MRPS6: variants seen among roughly 807,000 people sequenced by gnomAD.
MRPS6 encodes the protein small ribosomal subunit protein bS6m.
Under a neutral mutation model 13.1 loss-of-function variants are expected in MRPS6, and 6 were observed. The observed-to-expected ratio is 0.46, with a 90% CI of 0.25 to 0.91. The LOEUF (loss-of-function observed/expected upper bound fraction) is 0.91. MRPS6 is among the 40% of genes least tolerant of loss of function. The pLI is 0.18. For missense variants in MRPS6, 164 were observed against 155.6 expected (o/e 1.05, Z -0.29); for synonymous variants, 61 against 56.5 (o/e 1.08, Z -0.36).
At chr21:34,117,880 G>A (rs926059293) in intron 1 of MRPS6, among the ~76,000 whole-genome samples, 3 of 151,882 alleles carry the variant, frequency 2.0e-5, no homozygotes, top group African/African-American at 4.8e-5. Context: ...ATGTTTTCCC[G>A]CATGTAACTG....
At chr21:34,075,817 A>G (rs1258929244) in intron 1 of MRPS6, among the ~76,000 whole-genome samples, 1 of 152,228 alleles carries the variant, frequency 6.6e-6, no homozygotes, top group Non-Finnish European at 1.5e-5. Context: ...GTTTAGGAAA[A>G]TAGGATTCTA....
At chr21:34,132,418 G>A (rs141737929) in intron 2 of MRPS6, among the ~76,000 whole-genome samples, 47 of 152,226 alleles carry the variant, frequency 3.1e-4, no homozygotes, top group Non-Finnish European at 4.6e-4. Context: ...TGTGCATGCC[G>A]GCTTGTGCTC....
At chr21:34,104,275 T>G in intron 1 of MRPS6, 1 of 1,000,202 alleles carries the variant, frequency 1.0e-6, no homozygotes, top group Non-Finnish European at 1.2e-6. Context: ...ACTTGTCCCA[T>G]TAACCCTCTT....
At chr21:34,117,676 G>C (rs923798872) in intron 1 of MRPS6, among the ~76,000 whole-genome samples, 7 of 152,104 alleles carry the variant, frequency 4.6e-5, no homozygotes, top group African/African-American at 1.7e-4. Flanking sequence ...GAACCAAAAT[G>C]GCAATTTCCT....
At chr21:34,095,838 A>G in intron 1 of MRPS6, 1 of 1,614,056 alleles carries the variant, frequency 6.2e-7, no homozygotes, top group Non-Finnish European at 8.5e-7. Context: ...TGAGGAAGTT[A>G]AGAGAAGGTA....
intron 1 of MRPS6, chr21:34,102,396 A>G: frequency 2.0e-6 from 2 of 1,000,036 alleles, no homozygotes; most frequent in Non-Finnish European, 2.4e-6. Context: ...TTCCATCTAA[A>G]CTTCTTTATA....
Position 34,142,703 on chromosome 21 carries a change from T to G in MRPS6, c.*103T>G. 1 of 1,310,850 alleles carries G rather than the reference T, an allele frequency of 7.6e-7. No homozygotes were observed. Among genetic ancestry groups the G allele is most frequent in the Non-Finnish European group, 1.0e-6 (1 of 1,004,226 alleles). The allele number at this position is 1,310,850 out of a possible 1,614,324, so 81.2% of individuals were successfully genotyped here. A position where few individuals can be genotyped will look rare whatever the true frequency, so the allele number is the denominator to read the frequency against. ...GTTTGGCCTTTATATAAGCATGTGTTGCAGGTGCTGTTTGATTTTTCTAAG... is the reference window on the plus strand; with the variant it reads ...GTTTGGCCTTTATATAAGCATGTGTGGCAGGTGCTGTTTGATTTTTCTAAG... On this transcript the variant is annotated 3_prime_UTR_variant, in exon 3 of 3. Coordinates refer to ENST00000399312, the MANE Select transcript of MRPS6 (RefSeq NM_032476.4).
In MRPS6 at chr21:34,122,023, A is replaced by C. The variant is rs151223167; in HGVS notation, c.46-3318A>C. Among the ~76,000 whole-genome samples, 3 of 152,318 alleles carry C rather than the reference A, an allele frequency of 2.0e-5. No individual in the cohort carries two copies. In the South Asian group the frequency reaches 6.2e-4, roughly 32 times the overall value. On this transcript the variant is annotated intron_variant, in intron 1 of 2. Transcript: ENST00000399312. ...GTGAGGAATACACCCTCTATACGTC[A>C]GTCAGTGGCCCAGGCTCATGGTTTT...
chr21:34,138,881 T>C (rs538185775), intron 2 of MRPS6, among the ~76,000 whole-genome samples: 1 of 152,162 alleles, frequency 6.6e-6, no homozygotes, highest in Admixed American at 6.5e-5. Context: ...TAAAGACACA[T>C]GCATACATAT....
At chr21:34,139,957 T>C (rs981228512) in intron 2 of MRPS6, among the ~76,000 whole-genome samples, 1 of 152,184 alleles carries the variant, frequency 6.6e-6, no homozygotes, top group Admixed American at 6.5e-5. Flanking sequence ...TCATTCCCAG[T>C]GCCTTTAATT....
intron 2 of MRPS6, among the ~76,000 whole-genome samples, chr21:34,130,293 A>G (rs950097144): frequency 3.3e-5 from 5 of 152,156 alleles, no homozygotes; most frequent in Non-Finnish European, 1.5e-5. Flanking sequence ...AGAAAATACA[A>G]CCTTTACATT....
At position 34,073,630 on chromosome 21, in the gene MRPS6, C is replaced by T. The variant is rs945274632; in HGVS notation, c.-71C>T. ...GCAGCAGTTTCTAGGTCCCCACTGT[C>T]CCCGCCGTCCCGCCCCTTCGCGTCC... On this transcript the variant is annotated 5_prime_UTR_variant, in exon 1 of 3. Transcript: ENST00000399312. 3.6e-6 allele frequency: 5 copies of T among 1,372,348 alleles called. No homozygotes were observed. The African/African-American group carries it at 4.5e-5, about 12-fold the overall frequency. 85.0% of individuals were successfully genotyped at this position (1,372,348 alleles called of 1,614,324 possible).
At chr21:34,075,687 C>T (rs1989313064) in intron 1 of MRPS6, among the ~76,000 whole-genome samples, 1 of 152,124 alleles carries the variant, frequency 6.6e-6, no homozygotes, top group Non-Finnish European at 1.5e-5. Flanking sequence ...GATCCTTGAC[C>T]TAAATAAAGT....
At chr21:34,106,933 T>G (rs1979503679) in intron 1 of MRPS6, among the ~76,000 whole-genome samples, 1 of 152,206 alleles carries the variant, frequency 6.6e-6, no homozygotes, top group Non-Finnish European at 1.5e-5. Flanking sequence ...TTGACTTTTT[T>G]TTTTTGGCGG....
At position 34,142,437 on chromosome 21, in the gene MRPS6, C is replaced by T. The variant is rs61910677; in HGVS notation, c.215C>T (p.Thr72Ile). The T allele has an allele frequency of 6.3e-7, 1 of 1,591,588 alleles. No homozygotes were observed. The highest frequency in any genetic ancestry group is 8.5e-7 in the Non-Finnish European group (1 of 1,171,060). Residue 72 changes from threonine to isoleucine, a missense_variant, in exon 3 of 3, where the codon ACC (threonine) becomes ATC (isoleucine). Transcript: ENST00000399312. ...TTCTTGGTGGATTTTTATGCACCCA[C>T]CGCAGCTGTTGAAAGCATGGTGGAG... The part of the protein sequence containing the change: ...GYFLVDFYAP[T>I]AAVESMVEHL...
At chr21:34,077,310 A>T (rs115295321) in intron 1 of MRPS6, among the ~76,000 whole-genome samples, 3 of 152,228 alleles carry the variant, frequency 2.0e-5, no homozygotes, top group Non-Finnish European at 4.4e-5. Context: ...CCTTGGGTAT[A>T]CAGGAAGAAG....
chr21:34,118,495 C>G (rs1239970474), intron 1 of MRPS6, among the ~76,000 whole-genome samples: 1 of 151,476 alleles, frequency 6.6e-6, no homozygotes, highest in African/African-American at 2.4e-5. Flanking sequence ...TCCCATTTAC[C>G]TACTGTTTTA....
intron 1 of MRPS6, among the ~76,000 whole-genome samples, chr21:34,077,843 T>A (rs1054609231): frequency 6.6e-6 from 1 of 152,078 alleles, no homozygotes; most frequent in South Asian, 2.1e-4. Flanking sequence ...TCTGGTAGAG[T>A]GATGAAGAGT....
chr21:34,109,290 T>A (rs1320340882), intron 1 of MRPS6, among the ~76,000 whole-genome samples: 1 of 152,222 alleles, frequency 6.6e-6, no homozygotes, highest in African/African-American at 2.4e-5. Flanking sequence ...GATCTGCTTA[T>A]TTTTAATAGG....
Sources: allele counts gnomAD v4.1 joint callset (sites outside exome capture counted in the v4.1 genomes callset), GRCh38; gene constraint gnomAD v4.1.1; transcripts MANE v1.5; gene names NCBI Gene and HGNC (gene_info 2026-07-23, HGNC 2026-07-21).